ARFGAP2: variants seen among roughly 807,000 people sequenced by gnomAD.
ARFGAP2 encodes ADP-ribosylation factor GTPase-activating protein 2.
Under a neutral mutation model 71.9 loss-of-function variants are expected in ARFGAP2, and 45 were observed. That is an observed-to-expected ratio of 0.63 (90% CI 0.49 to 0.80). ARFGAP2 has a LOEUF of 0.80. Ranked by LOEUF, ARFGAP2 falls within the 30% of genes least tolerant of loss-of-function variation. The pLI is 0.00. For missense variants in ARFGAP2, 633 were observed against 673.9 expected (o/e 0.94, Z 0.67); for synonymous variants, 248 against 249.2 (o/e 1.00, Z 0.05).
intron 2 of ARFGAP2, 90 bp downstream of exon 2, chr11:47,176,425 AG>A: frequency 8.0e-7 from 1 of 1,256,394 alleles, no homozygotes; most frequent in Non-Finnish European, 1.1e-6. Flanking sequence ...CCGAATTCAG[AG>A]CGGCCCAAGT....
intron 10 of ARFGAP2, among the ~76,000 whole-genome samples, chr11:47,170,898 A>T (rs552380347): frequency 2.6e-5 from 4 of 152,238 alleles, no homozygotes; most frequent in African/African-American, 9.6e-5. Flanking sequence ...GTGAGCTGAG[A>T]TCACACCATT....
intron 12 of ARFGAP2, among the ~76,000 whole-genome samples, chr11:47,167,157 T>A (rs1952417870): frequency 6.6e-6 from 1 of 152,202 alleles, no homozygotes; most frequent in Non-Finnish European, 1.5e-5. Context: ...AGCACACAGC[T>A]TCGTCAGCAT....
rs376852702 is a variant in ARFGAP2 at position 47,165,479 on chromosome 11, G to A, written c.*3C>T. 2.5e-5 allele frequency: 40 copies of A among 1,572,626 alleles called. No homozygotes were observed. Among genetic ancestry groups the A allele is most frequent in the Admixed American group, 7.3e-5 (4 of 54,632 alleles). ...ATCGTAAGCCTGAGTCACAGAGCTCGGATCAGTAGGAACCGTAGCGATCCT... is the reference window on the plus strand; with the variant it reads ...ATCGTAAGCCTGAGTCACAGAGCTCAGATCAGTAGGAACCGTAGCGATCCT... On this transcript the variant is annotated 3_prime_UTR_variant, in exon 16 of 16. Coordinates refer to ENST00000524782, the MANE Select transcript of ARFGAP2 (RefSeq NM_032389.6).
Position 47,176,017 on chromosome 11 carries a change from G to A in ARFGAP2, c.192-94C>T, listed in dbSNP as rs536494812. On this transcript the variant is annotated intron_variant, in intron 2 of 15. Transcript: ENST00000524782. The stretch of plus-strand genomic sequence containing the variant: ...TGTCACTTGGCCTCAGGCTGCTGTA[G>A]GCACCCAGGAAACATTAATCAGCCA... 2.6e-4 allele frequency: 339 copies of A among 1,283,590 alleles called. 5 individuals are homozygous for A. In the Admixed American group the frequency reaches 6.0e-3, roughly 23 times the overall value. The allele number at this position is 1,283,590 out of a possible 1,614,324, so 79.5% of individuals were successfully genotyped here. A position where few individuals can be genotyped will look rare whatever the true frequency, so the allele number is the denominator to read the frequency against.
intron 12 of ARFGAP2, among the ~76,000 whole-genome samples, chr11:47,167,422 G>A (rs1396287453): frequency 2.0e-5 from 3 of 152,100 alleles, no homozygotes; most frequent in African/African-American, 7.2e-5. Flanking sequence ...CATTTTATAC[G>A]GGGATAACTC....
intron 3 of ARFGAP2, chr11:47,175,569 TC>T: frequency 1.6e-6 from 1 of 629,582 alleles, no homozygotes. Context: ...ATACCCAGCC[TC>T]CCCATCCTTC....
intron 4 of ARFGAP2, 29 bp downstream of exon 4, chr11:47,175,153 C>T (rs1260632148): frequency 1.2e-6 from 2 of 1,614,120 alleles, no homozygotes; most frequent in Admixed American, 3.3e-5. Context: ...CCTAACCCTC[C>T]TGCCCCAGCC....
intron 12 of ARFGAP2, 44 bp downstream of exon 12, chr11:47,167,865 T>TAAAAAAAAAAAAAAAAAAAA: frequency 7.5e-7 from 1 of 1,335,858 alleles, no homozygotes. Flanking sequence ...TCAGCTTGTT[T>TAAAAAAAAAAAAAAAAAAAA]AAAAAAAAAA....
intron 1 of ARFGAP2, 44 bp downstream of exon 1, chr11:47,176,738 G>T (rs745437114): frequency 1.2e-6 from 2 of 1,612,902 alleles, no homozygotes; most frequent in African/African-American, 1.3e-5. Flanking sequence ...CCTCCCTCAG[G>T]CCCCAGCGGG....
chr11:47,168,343 C>T, intron 10 of ARFGAP2, 92 bp from the exon 11 acceptor site: 5 of 1,543,030 alleles, frequency 3.2e-6, no homozygotes, highest in Non-Finnish European at 4.4e-6. Flanking sequence ...GGTTCTCCTT[C>T]ACGGAGCGTC....
intron 8 of ARFGAP2, 151 bp from the exon 9 acceptor site, chr11:47,171,951 A>G: frequency 8.4e-7 from 1 of 1,184,022 alleles, no homozygotes; most frequent in South Asian, 1.5e-5. Flanking sequence ...CCAAGACAAT[A>G]GTGCTCCGCT....
intron 15 of ARFGAP2, among the ~76,000 whole-genome samples, chr11:47,165,767 T>C (rs988479864): frequency 1.3e-5 from 2 of 152,132 alleles, no homozygotes; most frequent in South Asian, 2.1e-4. Context: ...GGGAAGATCA[T>C]GGCAGACACA....
chr11:47,171,376 T>G, intron 10 of ARFGAP2, 50 bp downstream of exon 10: 1 of 1,607,560 alleles, frequency 6.2e-7, no homozygotes, highest in Non-Finnish European at 8.5e-7. Context: ...CCCGCAATGG[T>G]TCCCAGAAAA....
rs761779156 is a variant in ARFGAP2 at position 47,166,764 on chromosome 11, G to A, written c.1328C>T (p.Ala443Val). ...SDMFFGREVDAEYEARSRLQQ... is the reference protein window; with the variant it reads ...SDMFFGREVDVEYEARSRLQQ... ...AGGGCAGACAGCCCCACTTACCTCT[G>A]CATCCACCTCCCGCCCAAAGAACAT... is the stretch of plus-strand genomic sequence containing the variant. The change falls in exon 13 of 16, where the codon GCA becomes GTA. Residue 443 changes from alanine (A) to valine (V), a missense_variant. Physicochemically the swap from Ala to Val is moderately conservative, Grantham distance 64. Transcript: ENST00000524782. 96 of 1,612,956 alleles carry A rather than the reference G, an allele frequency of 6.0e-5. No homozygotes were observed. The highest frequency in any genetic ancestry group is 2.0e-4 in the Admixed American group (12 of 59,978).
intron 14 of ARFGAP2, 42 bp from the exon 15 acceptor site, chr11:47,166,428 C>T (rs763564165): frequency 1.2e-6 from 2 of 1,611,488 alleles, no homozygotes; most frequent in Non-Finnish European, 8.5e-7. Context: ...CAGCAAGAAG[C>T]CCTTCCCAGT....
chr11:47,175,932 A>C lies in ARFGAP2; in HGVS notation c.192-9T>G. The C allele has an allele frequency of 6.2e-7, 1 of 1,613,958 alleles. No homozygotes were observed. Among genetic ancestry groups the C allele is most frequent in the Non-Finnish European group, 8.5e-7 (1 of 1,179,922 alleles). On this transcript the variant is annotated splice_polypyrimidine_tract_variant and intron_variant, in intron 2 of 15. Coordinates refer to ENST00000524782, the MANE Select transcript of ARFGAP2 (RefSeq NM_032389.6). ...AATCCAACTCTGTGGACCTGTGTAC[A>C]AGGGCTGCGTCTCACCCACTAGCAG...
intron 2 of ARFGAP2, 43 bp downstream of exon 2, chr11:47,176,473 T>C: frequency 6.3e-7 from 1 of 1,583,166 alleles, no homozygotes; most frequent in Non-Finnish European, 8.7e-7. Context: ...CAGACACCCC[T>C]GGCCGGCCGG....
intron 6 of ARFGAP2, 35 bp from the exon 7 acceptor site, chr11:47,173,517 C>A: frequency 6.5e-7 from 1 of 1,529,014 alleles, no homozygotes; most frequent in South Asian, 1.2e-5. Context: ...GAGATGAGCT[C>A]CTAGCTTCCT....
intron 2 of ARFGAP2, 153 bp downstream of exon 2, chr11:47,176,363 T>C: frequency 1.4e-6 from 1 of 723,464 alleles, no homozygotes; most frequent in Non-Finnish European, 2.3e-6. Context: ...CCCACACAGG[T>C]GGTTCCCTCT....
Sources: allele counts gnomAD v4.1 joint callset (sites outside exome capture counted in the v4.1 genomes callset), GRCh38; gene constraint gnomAD v4.1.1; transcripts MANE v1.5; gene names NCBI Gene and HGNC (gene_info 2026-07-23, HGNC 2026-07-21).